SDK2: variants seen among roughly 807,000 people sequenced by gnomAD.
SDK2 encodes sidekick cell adhesion molecule 2, also known as protein sidekick-2.
A neutral mutation model predicts 253.9 loss-of-function variants in SDK2; 105 were observed. The observed-to-expected ratio is 0.41, with a 90% confidence interval of 0.35 to 0.49. The LOEUF is 0.49. Ranked by LOEUF, SDK2 falls within the 20% of genes least tolerant of loss-of-function variation. The probability of loss-of-function intolerance (pLI) is 0.06; values close to 1 mark genes in which losing one functional copy is unlikely to be tolerated. For synonymous variants in SDK2, 1,249 were observed against 1,234.9 expected (o/e 1.01, Z -0.24); for missense variants, 2,608 against 3,003.0 (o/e 0.87, Z 3.07).
intron 1 of SDK2, among the ~76,000 whole-genome samples, chr17:73,581,876 TG>T (rs1437829635): frequency 2.0e-5 from 3 of 152,164 alleles, no homozygotes; most frequent in Non-Finnish European, 4.4e-5. Flanking sequence ...GAGGGTGGTG[TG>T]GCCTATTTAG....
At chr17:73,597,786 C>T (rs139447498) in intron 1 of SDK2, among the ~76,000 whole-genome samples, 5,537 of 152,080 alleles carry the variant, frequency 0.036, 119 homozygotes, top group African/African-American at 0.051. Flanking sequence ...GCTGAGACTA[C>T]AGGCACCCGC....
At chr17:73,590,682 G>A (rs147777959) in intron 1 of SDK2, among the ~76,000 whole-genome samples, 5 of 152,270 alleles carry the variant, frequency 3.3e-5, no homozygotes, top group East Asian at 1.9e-4. Flanking sequence ...AGAAACATCC[G>A]AGCCCTGGGC....
intron 1 of SDK2, among the ~76,000 whole-genome samples, chr17:73,561,868 G>A (rs1338443968): frequency 6.6e-6 from 1 of 152,238 alleles, no homozygotes; most frequent in Non-Finnish European, 1.5e-5. Context: ...GCTCACGCCT[G>A]TAATCCCAGC....
chr17:73,426,629 CGTTGA>C (rs756313729), intron 12 of SDK2, among the ~76,000 whole-genome samples: 115 of 152,258 alleles, frequency 7.6e-4, no homozygotes, highest in Non-Finnish European at 1.6e-4. Flanking sequence ...GCAGTGAAAT[CGTTGA>C]GTTAATTTTT....
chr17:73,503,469 T>C (rs545291381), intron 2 of SDK2, among the ~76,000 whole-genome samples: 3 of 152,274 alleles, frequency 2.0e-5, no homozygotes, highest in East Asian at 1.9e-4. Context: ...TATACGTGTG[T>C]AGGGAGACAG....
chr17:73,390,145 G>A, intron 29 of SDK2, 142 bp downstream of exon 29: 1 of 726,728 alleles, frequency 1.4e-6, no homozygotes, highest in East Asian at 2.7e-5. Flanking sequence ...TGCTGACTTT[G>A]ACTTCAGAGA....
At position 73,556,552 on chromosome 17, in the gene SDK2, C is replaced by T. The variant is rs1432265755; in HGVS notation, c.65-48955G>A. Reference sequence around the variant, plus strand: ...TTTTGGTAGAGGCATTCACGTTTGACCTGCACATGATTCTTCTTTTAAGCA... The same window carrying T: ...TTTTGGTAGAGGCATTCACGTTTGATCTGCACATGATTCTTCTTTTAAGCA... On this transcript the variant is annotated intron_variant, in intron 1 of 44. Coordinates refer to ENST00000392650, the MANE Select transcript of SDK2 (RefSeq NM_001144952.2). Among the ~76,000 whole-genome samples, 3 of 152,222 alleles carry T rather than the reference C, an allele frequency of 2.0e-5. No homozygotes were observed. In the East Asian group the frequency reaches 5.8e-4, roughly 29 times the overall value.
At chr17:73,633,870 C>G (rs1023783355) in intron 1 of SDK2, among the ~76,000 whole-genome samples, 3 of 151,804 alleles carry the variant, frequency 2.0e-5, no homozygotes, top group African/African-American at 4.8e-5. Context: ...GAGAGGAGAA[C>G]AGGGGTTCGA....
intron 1 of SDK2, among the ~76,000 whole-genome samples, chr17:73,550,519 G>A (rs554382613): frequency 1.3e-5 from 2 of 152,250 alleles, no homozygotes; most frequent in South Asian, 4.2e-4. Context: ...GGTGGCGGGG[G>A]AGTCAGGGTG....
In SDK2 at chr17:73,379,641, G is replaced by C. The variant is rs2062814259; in HGVS notation, c.4763-92C>G. ...GGGAGGGTGGAGGCTGCAGGGGGAG[G>C]AATGAGGCACCCCCGCCATTCTAGC... is the stretch of plus-strand genomic sequence containing the variant. On this transcript the variant is annotated intron_variant, in intron 34 of 44. Coordinates refer to ENST00000392650, the MANE Select transcript of SDK2 (RefSeq NM_001144952.2). This position sits in a 1 kb window ranked among gnomAD's most constrained non-coding sequence, Gnocchi z 4.5. The C allele has an allele frequency of 1.5e-5, 11 of 734,906 alleles. No individual in the cohort carries two copies. In the Admixed American group the frequency reaches 2.6e-4, roughly 17 times the overall value. 45.5% of individuals were successfully genotyped at this position (734,906 alleles called of 1,614,324 possible). A position where few individuals can be genotyped will look rare whatever the true frequency, so the allele number is the denominator to read the frequency against.
chr17:73,535,405 G>A (rs2044757245), intron 1 of SDK2, among the ~76,000 whole-genome samples: 1 of 152,202 alleles, frequency 6.6e-6, no homozygotes, highest in Non-Finnish European at 1.5e-5. Context: ...CTTAAGCATG[G>A]TGCCTGGTAC....
rs746345327 is a variant in SDK2, at chr17:73,390,445, G to A, written c.4034C>T (p.Ala1345Val). 6 of 1,612,594 alleles carry A rather than the reference G, an allele frequency of 3.7e-6. No individual in the cohort carries two copies. In the East Asian group the frequency reaches 1.3e-4, roughly 36 times the overall value. Residue 1345 changes from alanine to valine, a missense_variant, in exon 29 of 45, where the codon GCC becomes GTC. By Grantham distance (64) the Ala-to-Val change is moderately conservative. Around this residue, in one of 2 missense-constraint regions of SDK2, gnomAD observed 1,103 missense variants for 1,143.9 expected, o/e 0.96. Transcript: ENST00000392650. ...QITHRLNTTT[A>V]NTATVEVLAP... ...CAGCACCTCCACAGTGGCGGTGTTG[G>A]CCGTGGTGGTGTTGAGCCGGTGTGT...
chr17:73,369,332 C>T, intron 36 of SDK2: 1 of 293,514 alleles, frequency 3.4e-6, no homozygotes, highest in East Asian at 8.8e-5. Flanking sequence ...TGCAGAGTCT[C>T]AGGGCCACCC....
At chr17:73,631,244 A>C (rs1475238227) in intron 1 of SDK2, among the ~76,000 whole-genome samples, 1 of 152,188 alleles carries the variant, frequency 6.6e-6, no homozygotes, top group Non-Finnish European at 1.5e-5. Context: ...TTGGCAGCCC[A>C]GGCCCCACAA....
In SDK2 at chr17:73,334,473, T is replaced by A. The variant is rs749283667; in HGVS notation, c.*4114A>T. 8 of 152,228 alleles carry A rather than the reference T, an allele frequency of 5.3e-5. No homozygotes were observed. The highest frequency in any genetic ancestry group is 1.0e-4 in the Non-Finnish European group (7 of 68,044). 9.4% of individuals were successfully genotyped at this position (152,228 alleles called of 1,614,324 possible). A position where few individuals can be genotyped will look rare whatever the true frequency, so the allele number is the denominator to read the frequency against. On this transcript the variant is annotated 3_prime_UTR_variant, in exon 45 of 45. Coordinates refer to ENST00000392650, the MANE Select transcript of SDK2 (RefSeq NM_001144952.2). ...ATATATTTCAAATCAATTTCTTTCT[T>A]ACCTTTCATTTAAAAAATAAACCTG...
Position 73,447,481 on chromosome 17 carries a change from G to A in SDK2, c.613+134C>T. 2 of 1,298,282 alleles carry A rather than the reference G, an allele frequency of 1.5e-6. 1 individual carries two copies. Among genetic ancestry groups the A allele is most frequent in the Non-Finnish European group, 2.1e-6 (2 of 938,022 alleles). 80.4% of individuals were successfully genotyped at this position (1,298,282 alleles called of 1,614,324 possible). A position where few individuals can be genotyped will look rare whatever the true frequency, so the allele number is the denominator to read the frequency against. On this transcript the variant is annotated intron_variant, in intron 5 of 44. Coordinates refer to ENST00000392650, the MANE Select transcript of SDK2 (RefSeq NM_001144952.2). The surrounding 1 kb of genome is among the most constrained non-coding windows in gnomAD (Gnocchi z 4.0). ...TGCTGTGTCTCGTCCTCCTTGGGAA[G>A]GCTCCCCCCGGCCGTCCCCTAGCTT...
intron 2 of SDK2, among the ~76,000 whole-genome samples, chr17:73,483,741 C>T (rs2063753601): frequency 7.5e-6 from 1 of 133,214 alleles, no homozygotes; most frequent in Non-Finnish European, 1.5e-5. Flanking sequence ...TGGGGTTTCA[C>T]CACGTTGGCC....
chr17:73,435,681 C>T lies in SDK2; in HGVS notation c.1001-37G>A. ...ACGTGGGCCCACCGTCAACCTGCCT[C>T]CTGCCTCCTCTCCGCCTAGGAGGGG... On this transcript the variant is annotated intron_variant, in intron 8 of 44. Transcript: ENST00000392650. The surrounding 1 kb of genome is among the most constrained non-coding windows in gnomAD (Gnocchi z 5.7). 7 of 1,509,210 alleles carry T rather than the reference C, an allele frequency of 4.6e-6. No individual in the cohort carries two copies. Among genetic ancestry groups the T allele is most frequent in the Non-Finnish European group, 6.2e-6 (7 of 1,123,674 alleles). The allele number at this position is 1,509,210 out of a possible 1,614,324, so 93.5% of individuals were successfully genotyped here.
At chr17:73,436,153 C>T (rs560089213) in intron 8 of SDK2, among the ~76,000 whole-genome samples, 4 of 152,170 alleles carry the variant, frequency 2.6e-5, no homozygotes, top group African/African-American at 4.8e-5. Flanking sequence ...CGCCCTGTGT[C>T]GAAGAGCACG....
Sources: allele counts gnomAD v4.1 joint callset (sites outside exome capture counted in the v4.1 genomes callset), GRCh38; gene constraint gnomAD v4.1.1; regional missense constraint gnomAD v4.1.1; non-coding constraint Gnocchi (gnomAD v3.1); transcripts MANE v1.5; gene names NCBI Gene and HGNC (gene_info 2026-07-23, HGNC 2026-07-21).